RMDN2: variants seen among roughly 807,000 people sequenced by gnomAD.
RMDN2 encodes regulator of microtubule dynamics protein 2.
A neutral mutation model predicts 52.8 loss-of-function variants in RMDN2; 61 were observed. That is an observed-to-expected ratio of 1.16 (90% CI 0.94 to 1.43). The LOEUF (loss-of-function observed/expected upper bound fraction) is 1.43, where lower values mean the gene tolerates loss of function less well. Among genes scored for constraint, RMDN2 ranks in the 40% most tolerant of loss-of-function variants. The pLI is 0.00. For synonymous variants in RMDN2, 180 were observed against 153.1 expected, an observed-to-expected ratio of 1.18 and a Z score of -1.30; for missense variants, 592 against 475.3, an observed-to-expected ratio of 1.25 and a Z score of -2.28.
intron 2 of RMDN2, among the ~76,000 whole-genome samples, chr2:37,946,725 A>G (rs925389335): frequency 3.9e-5 from 6 of 152,130 alleles, no homozygotes; most frequent in African/African-American, 7.2e-5. Context: ...TCTTTTTTTC[A>G]ATAGTTATTG....
intron 2 of RMDN2, among the ~76,000 whole-genome samples, chr2:37,944,619 T>C (rs910008841): frequency 6.6e-6 from 1 of 152,198 alleles, no homozygotes; most frequent in Non-Finnish European, 1.5e-5. Context: ...AGGAGGTCAC[T>C]TATTGAGAAG....
At chr2:37,925,453 C>T (rs368971418) in intron 1 of RMDN2, 28 bp downstream of exon 1, 1 of 152,502 alleles carries the variant, frequency 6.6e-6, no homozygotes, top group African/African-American at 2.4e-5. Flanking sequence ...GAGGGGGCTG[C>T]TCAGCCGCTG....
intron 2 of RMDN2, among the ~76,000 whole-genome samples, chr2:37,961,333 C>T (rs1335245418): frequency 3.3e-5 from 5 of 152,040 alleles, no homozygotes; most frequent in Admixed American, 6.5e-5. Flanking sequence ...ACCAATCAAA[C>T]GTAGGTTTGG....
At chr2:37,933,617 C>G (rs1033227684) in intron 2 of RMDN2, among the ~76,000 whole-genome samples, 3 of 152,240 alleles carry the variant, frequency 2.0e-5, no homozygotes, top group Non-Finnish European at 4.4e-5. Flanking sequence ...CAAAAAAATA[C>G]GAAAACCAGT....
chr2:37,968,336 G>T (rs540269343), intron 2 of RMDN2, among the ~76,000 whole-genome samples: 367 of 151,400 alleles, frequency 2.4e-3, no homozygotes, highest in Admixed American at 4.1e-3. Flanking sequence ...CCAGCTTGGG[G>T]GGCTGAGGCA....
chr2:37,921,977 G>C (rs943025587), upstream of RMDN2, among the ~76,000 whole-genome samples: 1 of 152,056 alleles, frequency 6.6e-6, no homozygotes, highest in Non-Finnish European at 1.5e-5. Context: ...CAAATGATTC[G>C]GGGAACTCAG....
chr2:38,060,802 G>A (rs927654800), intron 10 of RMDN2, among the ~76,000 whole-genome samples: 2 of 141,306 alleles, frequency 1.4e-5, no homozygotes, highest in African/African-American at 5.4e-5. Context: ...GTTAGAGACA[G>A]CCAGGAAAGC....
chr2:38,045,529 C>G (rs10192788), intron 10 of RMDN2, among the ~76,000 whole-genome samples: 1 of 152,008 alleles, frequency 6.6e-6, no homozygotes, highest in Non-Finnish European at 1.5e-5. Context: ...GAACAAGGAG[C>G]TTTAGAAATC....
rs74731029 is a variant in RMDN2 at position 38,057,124 on chromosome 2, A to G, written c.1714-9858A>G. Among the ~76,000 whole-genome samples, 66 of 152,348 alleles carry G rather than the reference A, an allele frequency of 4.3e-4. No individual in the cohort carries two copies. In the East Asian group the frequency reaches 9.6e-3, roughly 22 times the overall value. On this transcript the variant is annotated intron_variant, in intron 10 of 10. Coordinates refer to the RMDN2 transcript ENST00000234195. ...TGATTTGTCAACCATAAAGTGCTTT[A>G]GAAACATGAAGAGGTTGTTACTATT...
chr2:37,988,526 T>C (rs1048095050), intron 5 of RMDN2, among the ~76,000 whole-genome samples: 20 of 152,222 alleles, frequency 1.3e-4, no homozygotes, highest in African/African-American at 4.3e-4. Flanking sequence ...GTGGTATGAA[T>C]TAAGTTATCG....
At chr2:37,947,983 T>C (rs944522220) in intron 2 of RMDN2, among the ~76,000 whole-genome samples, 2 of 152,154 alleles carry the variant, frequency 1.3e-5, no homozygotes, top group Admixed American at 1.3e-4. Context: ...GTTCACTGTC[T>C]TTTCTAGACT....
At chr2:37,966,386 C>A (rs1027402190) in intron 2 of RMDN2, among the ~76,000 whole-genome samples, 1 of 151,750 alleles carries the variant, frequency 6.6e-6, no homozygotes, top group African/African-American at 2.4e-5. Flanking sequence ...CACTGCATTC[C>A]AGCCTGGGCA....
intron 2 of RMDN2, among the ~76,000 whole-genome samples, chr2:37,931,566 A>G (rs766829659): frequency 3.9e-5 from 6 of 152,258 alleles, no homozygotes; most frequent in East Asian, 3.8e-4. Flanking sequence ...ATGGCCTTCA[A>G]TCTAAAAGGA....
chr2:37,933,876 TAAATA>T (rs774839686), intron 2 of RMDN2, among the ~76,000 whole-genome samples: 7 of 152,188 alleles, frequency 4.6e-5, no homozygotes, highest in Non-Finnish European at 7.4e-5. Flanking sequence ...ACTTTTTAAA[TAAATA>T]AAATATTTTT....
chr2:38,066,550 G>A (rs1329728412), intron 10 of RMDN2, among the ~76,000 whole-genome samples: 1 of 152,222 alleles, frequency 6.6e-6, no homozygotes, highest in Admixed American at 6.5e-5. Context: ...TTAACAGCCA[G>A]TGAACTTCTG....
chr2:37,941,689 C>G (rs567092312), intron 2 of RMDN2, among the ~76,000 whole-genome samples: 1 of 152,328 alleles, frequency 6.6e-6, no homozygotes, highest in South Asian at 2.1e-4. Context: ...GCTTTGTTTA[C>G]ACCGTGTGGG....
chr2:37,974,899 A>C, intron 3 of RMDN2: 1 of 257,142 alleles, frequency 3.9e-6, no homozygotes, highest in Non-Finnish European at 7.3e-6. Context: ...AAAGAAGAAA[A>C]GGATGCCACA....
chr2:37,954,985 C>A (rs555249689), intron 2 of RMDN2, among the ~76,000 whole-genome samples: 3 of 151,864 alleles, frequency 2.0e-5, no homozygotes, highest in Non-Finnish European at 4.4e-5. Flanking sequence ...TTTTATAATT[C>A]TTTCCAGATA....
chr2:38,003,925 T>C (rs2125192169), intron 8 of RMDN2, 66 bp from the exon 9 acceptor site: 1 of 1,185,512 alleles, frequency 8.4e-7, no homozygotes. Context: ...ATATATTCTC[T>C]TCACTTGTGG....
Sources: gnomAD v4.1 joint callset for allele counts (sites outside exome capture counted in the v4.1 genomes callset) on GRCh38, gnomAD v4.1.1 for gene constraint, MANE v1.5 for transcripts, NCBI Gene and HGNC (gene_info 2026-07-23, HGNC 2026-07-21) for gene names.